The following PID1 variants were observed in gnomAD, a reference collection of about 807,000 sequenced individuals.
PID1 encodes phosphotyrosine interaction domain containing 1.
Under a neutral mutation model 19.1 loss-of-function variants are expected in PID1, and 10 were observed. That is an observed-to-expected ratio of 0.52 (90% CI 0.32 to 0.89). The LOEUF (loss-of-function observed/expected upper bound fraction) is 0.89, where lower values mean the gene tolerates loss of function less well. Ranked by LOEUF, PID1 falls within the 40% of genes least tolerant of loss-of-function variation. The pLI is 0.03. For synonymous variants in PID1, 130 were observed against 116.0 expected (o/e 1.12, Z -0.78); for missense variants, 248 against 285.3 (o/e 0.87, Z 0.94).
At chr2:229,181,211 C>A (rs1433961204) in intron 1 of PID1, among the ~76,000 whole-genome samples, 3 of 152,182 alleles carry the variant, frequency 2.0e-5, no homozygotes, top group Non-Finnish European at 4.4e-5. Context: ...AGTGAGGAAT[C>A]CTCTAAGCAC....
chr2:229,080,737 T>C (rs1694653028), intron 2 of PID1, among the ~76,000 whole-genome samples: 1 of 152,226 alleles, frequency 6.6e-6, no homozygotes, highest in South Asian at 2.1e-4. Flanking sequence ...TAAACTGTTG[T>C]GAATGTTGCC....
At chr2:229,241,940 A>G (rs573232551) in intron 1 of PID1, among the ~76,000 whole-genome samples, 84 of 152,246 alleles carry the variant, frequency 5.5e-4, no homozygotes, top group Admixed American at 5.2e-3. Flanking sequence ...AAATACTAGT[A>G]ACTAGTAACT....
At chr2:229,157,290 C>T (rs1221165463) in intron 1 of PID1, among the ~76,000 whole-genome samples, 5 of 152,074 alleles carry the variant, frequency 3.3e-5, no homozygotes, top group South Asian at 2.1e-4. Context: ...ATTAGCCGGG[C>T]GTGATGTCAG....
chr2:229,175,884 C>T (rs1017391162), intron 1 of PID1, among the ~76,000 whole-genome samples: 11 of 152,148 alleles, frequency 7.2e-5, no homozygotes, highest in Admixed American at 6.5e-4. Flanking sequence ...CACTAAGATT[C>T]GCAGTTACTA....
intron 2 of PID1, among the ~76,000 whole-genome samples, chr2:229,076,447 G>A (rs1417374942): frequency 1.5e-4 from 23 of 151,948 alleles, no homozygotes; most frequent in Admixed American, 1.5e-3. Flanking sequence ...AGAACGAGCA[G>A]TTTTGTTACA....
chr2:229,232,638 C>T (rs186945326), intron 1 of PID1, among the ~76,000 whole-genome samples: 33 of 122,514 alleles, frequency 2.7e-4, no homozygotes, highest in African/African-American at 8.6e-4. Context: ...TCAACAAAAT[C>T]ACATCAATTT....
chr2:229,221,458 T>C (rs747581140), intron 1 of PID1, among the ~76,000 whole-genome samples: 1 of 152,196 alleles, frequency 6.6e-6, no homozygotes, highest in Non-Finnish European at 1.5e-5. Context: ...CAGCCCTCTT[T>C]GGCTCCACCC....
chr2:229,030,634 TCATGA>T (rs1315306686), intron 2 of PID1, among the ~76,000 whole-genome samples: 4 of 152,140 alleles, frequency 2.6e-5, no homozygotes, highest in Admixed American at 6.5e-5. Context: ...GAAATATATA[TCATGA>T]CATAATTTAA....
chr2:229,029,396 G>A (rs530523870), intron 2 of PID1, among the ~76,000 whole-genome samples: 6 of 150,262 alleles, frequency 4.0e-5, no homozygotes, highest in African/African-American at 7.3e-5. Context: ...ATACCACTTC[G>A]CACCTGTTAG....
At chr2:229,093,588 G>A (rs1694917371) in intron 2 of PID1, among the ~76,000 whole-genome samples, 2 of 152,120 alleles carry the variant, frequency 1.3e-5, no homozygotes, top group African/African-American at 2.4e-5. Flanking sequence ...CCATGTATGT[G>A]TGCATCGGCT....
chr2:229,252,734 C>G (rs942907836), intron 1 of PID1, among the ~76,000 whole-genome samples: 2 of 152,174 alleles, frequency 1.3e-5, no homozygotes, highest in Admixed American at 6.5e-5. Flanking sequence ...GTACTCTATA[C>G]CTGAATATTT....
chr2:229,220,590 C>T (rs1691945764), intron 1 of PID1, among the ~76,000 whole-genome samples: 1 of 152,064 alleles, frequency 6.6e-6, no homozygotes, highest in Non-Finnish European at 1.5e-5. Flanking sequence ...CCCAGCCTGG[C>T]AAACAAGGAG....
chr2:229,083,966 C>T (rs998782461), intron 2 of PID1, among the ~76,000 whole-genome samples: 3 of 152,168 alleles, frequency 2.0e-5, no homozygotes. Flanking sequence ...TTACTTTAAC[C>T]AGGCAGTGAA....
At chr2:229,210,093 C>A (rs1160924668) in intron 1 of PID1, among the ~76,000 whole-genome samples, 4 of 149,520 alleles carry the variant, frequency 2.7e-5, no homozygotes, top group Admixed American at 1.3e-4. Context: ...TTTCTCTTGA[C>A]ATGACCTCTG....
At chr2:229,125,195 G>A (rs544546725) in intron 2 of PID1, among the ~76,000 whole-genome samples, 2 of 152,208 alleles carry the variant, frequency 1.3e-5, no homozygotes, top group East Asian at 3.9e-4. Context: ...GGGCCTCCAT[G>A]GTTTTCCCCA....
intron 1 of PID1, among the ~76,000 whole-genome samples, chr2:229,254,104 G>C (rs1690226220): frequency 1.3e-5 from 2 of 152,078 alleles, no homozygotes; most frequent in South Asian, 4.2e-4. Flanking sequence ...AATCAATCTA[G>C]TTTGGGTCAC....
At chr2:229,152,877 A>C (rs55897662) in intron 2 of PID1, among the ~76,000 whole-genome samples, 1,724 of 152,190 alleles carry the variant, frequency 0.011, 20 homozygotes, top group Non-Finnish European at 0.02. Context: ...TCCCTCCCCA[A>C]ACCCAAAGTT....
chr2:229,046,347 AGTGTGTGT>A (rs35091766), intron 2 of PID1, among the ~76,000 whole-genome samples: 7 of 141,284 alleles, frequency 5.0e-5, no homozygotes, highest in Non-Finnish European at 6.1e-5. Context: ...AAATTAGGAA[AGTGTGTGT>A]GTGTGTGTGT....
chr2:229,249,269 T>G (rs1391825246), intron 1 of PID1, among the ~76,000 whole-genome samples: 1 of 152,168 alleles, frequency 6.6e-6, no homozygotes, highest in Non-Finnish European at 1.5e-5. Context: ...TATAAACACA[T>G]AGAATTGTGC....
Sources: allele counts gnomAD v4.1 joint callset (sites outside exome capture counted in the v4.1 genomes callset), GRCh38; gene constraint gnomAD v4.1.1; transcripts MANE v1.5; gene names NCBI Gene and HGNC (gene_info 2026-07-23, HGNC 2026-07-21).